FOXN3: variants seen among roughly 807,000 people sequenced by gnomAD.
The protein encoded by FOXN3 is forkhead box N3, also known as forkhead box protein N3.
FOXN3 carries 7 observed loss-of-function variants against 38.4 expected under a neutral mutation model. The ratio of observed to expected loss-of-function variants is 0.18; its 90% CI spans 0.10 to 0.34. FOXN3 has a LOEUF of 0.34. Ranked by LOEUF, FOXN3 falls within the 10% of genes least tolerant of loss-of-function variation. The pLI is 1.00. For missense variants in FOXN3, 456 were observed against 613.4 expected, an observed-to-expected ratio of 0.74 and a Z score of 2.71; for synonymous variants, 230 against 242.2, an observed-to-expected ratio of 0.95 and a Z score of 0.47.
chr14:89,350,290 G>C lies in FOXN3; in HGVS notation c.680+382C>G, dbSNP rs954001727. ...GGGGACAACTGAGTGAGCCTCCACT[G>C]AATGTCTGCAGAGACCGGCCAGATG... On this transcript the variant is annotated intron_variant, in intron 3 of 5. Coordinates refer to ENST00000557258, the MANE Select transcript of FOXN3 (RefSeq NM_005197.4). 20 of 158,576 alleles carry C rather than the reference G, an allele frequency of 1.3e-4. No homozygotes were observed. In the South Asian group the frequency reaches 2.0e-3, roughly 16 times the overall value. The allele number at this position is 158,576 out of a possible 1,614,324, so 9.8% of individuals were successfully genotyped here.
At chr14:89,453,338 T>C (rs959983892) in intron 1 of FOXN3, among the ~76,000 whole-genome samples, 2 of 151,724 alleles carry the variant, frequency 1.3e-5, no homozygotes, top group African/African-American at 2.4e-5. Context: ...GGGCAGGTCA[T>C]GAGGTCAGGA....
intron 4 of FOXN3, among the ~76,000 whole-genome samples, chr14:89,250,475 T>C (rs1045125261): frequency 6.6e-6 from 1 of 152,212 alleles, no homozygotes; most frequent in African/African-American, 2.4e-5. Flanking sequence ...GGTCATGTGA[T>C]AGCAATGGAA....
At chr14:89,261,592 G>A (rs1242657351) in intron 4 of FOXN3, among the ~76,000 whole-genome samples, 1 of 152,080 alleles carries the variant, frequency 6.6e-6, no homozygotes, top group Non-Finnish European at 1.5e-5. Flanking sequence ...TCAGGAGTTC[G>A]AGACCAGCCC....
At chr14:89,416,438 G>A (rs563823709) in intron 1 of FOXN3, among the ~76,000 whole-genome samples, 1 of 152,184 alleles carries the variant, frequency 6.6e-6, no homozygotes, top group African/African-American at 2.4e-5. Flanking sequence ...GATGAGGGGG[G>A]TCGGGCCTCG....
chr14:89,489,218 A>G (rs559964750), intron 1 of FOXN3, among the ~76,000 whole-genome samples: 1 of 152,326 alleles, frequency 6.6e-6, no homozygotes, highest in South Asian at 2.1e-4. Context: ...ATCAAGAAAA[A>G]GAGGCACTGA....
chr14:89,564,924 G>C (rs1895321064), intron 1 of FOXN3, among the ~76,000 whole-genome samples: 1 of 151,656 alleles, frequency 6.6e-6, no homozygotes, highest in Admixed American at 6.6e-5. Flanking sequence ...AAGACCCCCT[G>C]TCTCTACTAA....
intron 4 of FOXN3, among the ~76,000 whole-genome samples, chr14:89,216,467 A>G (rs992655440): frequency 1.3e-5 from 2 of 152,078 alleles, no homozygotes; most frequent in Non-Finnish European, 2.9e-5. Context: ...GGTGCCCAAC[A>G]TTTAGTGCCA....
intron 4 of FOXN3, among the ~76,000 whole-genome samples, chr14:89,210,676 T>C (rs1472087028): frequency 6.6e-6 from 1 of 152,216 alleles, no homozygotes; most frequent in Non-Finnish European, 1.5e-5. Flanking sequence ...TTTAGTTACA[T>C]TTTGGTTGTA....
chr14:89,327,030 T>C (rs934087582), intron 3 of FOXN3, among the ~76,000 whole-genome samples: 1 of 152,034 alleles, frequency 6.6e-6, no homozygotes, highest in African/African-American at 2.4e-5. Context: ...TGCTGGTGAT[T>C]AGATGCAATC....
chr14:89,618,964 C>T (rs1422013873), intron 1 of FOXN3: 1 of 152,496 alleles, frequency 6.6e-6, no homozygotes, highest in Admixed American at 6.5e-5. Flanking sequence ...ACACGGAGGG[C>T]TTCTCGTGAC....
intron 1 of FOXN3, among the ~76,000 whole-genome samples, chr14:89,455,617 G>A (rs541371684): frequency 6.6e-6 from 1 of 152,118 alleles, no homozygotes; most frequent in Non-Finnish European, 1.5e-5. Flanking sequence ...GTAGCAGGCA[G>A]TCTCTTTGCA....
intron 3 of FOXN3, among the ~76,000 whole-genome samples, chr14:89,337,546 G>C (rs981546173): frequency 6.6e-6 from 1 of 152,032 alleles, no homozygotes; most frequent in African/African-American, 2.4e-5. Context: ...GCAGAGGGAG[G>C]CTTCTTTTCA....
chr14:89,518,643 CAT>C (rs557312978), intron 1 of FOXN3, among the ~76,000 whole-genome samples: 2 of 152,182 alleles, frequency 1.3e-5, no homozygotes, highest in Non-Finnish European at 2.9e-5. Flanking sequence ...AATGTTTAAA[CAT>C]AGGGAGAGAT....
chr14:89,446,087 CAAAAAAA>C (rs576883864), intron 1 of FOXN3, among the ~76,000 whole-genome samples: 473 of 40,118 alleles, frequency 0.012, 14 homozygotes, highest in Middle Eastern at 0.033. Context: ...GACCCTGCCT[CAAAAAAA>C]AAAAAAAAAA....
chr14:89,599,544 T>G (rs1378356816), intron 1 of FOXN3, among the ~76,000 whole-genome samples: 1 of 151,022 alleles, frequency 6.6e-6, no homozygotes, highest in Non-Finnish European at 1.5e-5. Context: ...TGTAGGTATA[T>G]CCAATTTGTT....
At chr14:89,607,964 G>C (rs1225153724) in intron 1 of FOXN3, among the ~76,000 whole-genome samples, 3 of 145,650 alleles carry the variant, frequency 2.1e-5, no homozygotes, top group Non-Finnish European at 4.5e-5. Flanking sequence ...CTACAGGCAT[G>C]CGCCACAACA....
intron 4 of FOXN3, among the ~76,000 whole-genome samples, chr14:89,199,925 C>T (rs1888193741): frequency 6.6e-6 from 1 of 151,930 alleles, no homozygotes; most frequent in South Asian, 2.1e-4. Flanking sequence ...ACAACAACAA[C>T]AACAAAAACA....
At chr14:89,304,745 C>T (rs899757868) in intron 3 of FOXN3, among the ~76,000 whole-genome samples, 3 of 152,034 alleles carry the variant, frequency 2.0e-5, no homozygotes, top group Non-Finnish European at 4.4e-5. Context: ...GTCTGGCCCC[C>T]ATAAAACTTG....
intron 1 of FOXN3, among the ~76,000 whole-genome samples, chr14:89,436,137 G>A (rs960526579): frequency 5.9e-5 from 9 of 151,334 alleles, no homozygotes; most frequent in African/African-American, 2.2e-4. Flanking sequence ...CACCGCGCCC[G>A]GCCTGTAGAT....
Sources: allele counts gnomAD v4.1 joint callset (sites outside exome capture counted in the v4.1 genomes callset), GRCh38; gene constraint gnomAD v4.1.1; transcripts MANE v1.5; gene names NCBI Gene and HGNC (gene_info 2026-07-23, HGNC 2026-07-21).